The following CEP68 variants were observed in gnomAD, a reference collection of about 807,000 sequenced individuals.
The protein encoded by CEP68 is centrosomal protein of 68 kDa.
A neutral mutation model predicts 55.3 loss-of-function variants in CEP68; 26 were observed. The observed-to-expected ratio is 0.47, with a 90% CI of 0.34 to 0.65. The LOEUF (loss-of-function observed/expected upper bound fraction) is 0.65. Ranked by LOEUF, CEP68 falls within the 30% of genes least tolerant of loss-of-function variation. The pLI is 0.01. For synonymous variants in CEP68, 402 were observed against 383.2 expected (o/e 1.05, Z -0.57); for missense variants, 957 against 946.7 (o/e 1.01, Z -0.14).
chr2:65,070,499 T>C lies in CEP68; in HGVS notation c.357+698T>C, dbSNP rs565093642. On this transcript the variant is annotated intron_variant, in intron 2 of 6. Transcript: ENST00000377990. Reference sequence around the variant, plus strand: ...GCCTTTCCTGGGAATGGCTTTGATCTTCTCGGTGTCATTGTAGCCTTGGCT... The same window carrying C: ...GCCTTTCCTGGGAATGGCTTTGATCCTCTCGGTGTCATTGTAGCCTTGGCT... Among the ~76,000 whole-genome samples the C allele has an allele frequency of 1.1e-3, 170 of 152,126 alleles. 1 individual carries two copies. The highest frequency in any genetic ancestry group is 3.8e-3 in the African/African-American group (158 of 41,488).
Position 65,072,076 on chromosome 2 carries a change from C to G in CEP68, c.980C>G (p.Pro327Arg). ...KHLDSRVPAD[P>R]VLQDSGVDLD... The stretch of plus-strand genomic sequence containing the variant: ...CTTGATAGCCGTGTGCCAGCTGACC[C>G]TGTCCTGCAGGACTCCGGGGTAGAC... The change falls in exon 3 of 7, where the codon CCT (proline) becomes CGT (arginine). Residue 327 changes from proline (P) to arginine (R), a missense_variant. Pro to Arg is a moderately radical substitution (Grantham distance 103). Coordinates refer to ENST00000377990, the MANE Select transcript of CEP68 (RefSeq NM_015147.3). 1.2e-6 allele frequency: 2 copies of G among 1,614,076 alleles called. No homozygotes were observed. The highest frequency in any genetic ancestry group is 2.2e-5 in the East Asian group (1 of 44,860).
At chr2:65,073,332 G>T in intron 3 of CEP68, 1 of 354,612 alleles carries the variant, frequency 2.8e-6, no homozygotes, top group Non-Finnish European at 5.5e-6. Flanking sequence ...AAGGTTTTGT[G>T]CACAGATGCC....
At position 65,072,774 on chromosome 2, in the gene CEP68, C is replaced by T. The variant is rs765008444; in HGVS notation, c.1678C>T (p.Arg560Cys). ...DPEGQNPCFL[R>C]SFVRAHDSAG... is the part of the protein sequence containing the mutation. ...TGAGGGCCAGAATCCCTGTTTCCTG[C>T]GCTCCTTCGTCCGTGCCCACGACTC... Residue 560 changes from arginine (R) to cysteine (C), a missense_variant, in exon 3 of 7, where the codon CGC becomes TGC. Physicochemically the swap from Arg to Cys is radical, Grantham distance 180. Transcript: ENST00000377990. 13 of 1,614,016 alleles carry T rather than the reference C, an allele frequency of 8.1e-6. No individual in the cohort carries two copies. Among genetic ancestry groups the T allele is most frequent in the Admixed American group, 6.7e-5 (4 of 59,992 alleles).
intron 5 of CEP68, 51 bp from the exon 6 acceptor site, chr2:65,082,485 C>T: frequency 2.1e-6 from 3 of 1,459,928 alleles, no homozygotes; most frequent in Non-Finnish European, 2.7e-6. Context: ...TACTGGACAA[C>T]ACTTGCATGG....
intron 5 of CEP68, among the ~76,000 whole-genome samples, chr2:65,078,523 A>C (rs1378278772): frequency 6.6e-6 from 1 of 152,154 alleles, no homozygotes; most frequent in Non-Finnish European, 1.5e-5. Context: ...GTGCAAACCA[A>C]GCTCAAGCCC....
chr2:65,068,687 C>G (rs141168612), intron 1 of CEP68, among the ~76,000 whole-genome samples: 5,358 of 152,110 alleles, frequency 0.035, 116 homozygotes, highest in Non-Finnish European at 0.045. Context: ...ATTAGCCAGG[C>G]GTGGTGGCAT....
chr2:65,057,690 A>G (rs146686543), intron 1 of CEP68, among the ~76,000 whole-genome samples: 60 of 152,376 alleles, frequency 3.9e-4, no homozygotes, highest in Admixed American at 8.5e-4. Flanking sequence ...TCAGCGTGGT[A>G]GTCTAAAGGT....
At chr2:65,074,616 C>G (rs1370936533) in intron 4 of CEP68, 2 of 650,148 alleles carry the variant, frequency 3.1e-6, no homozygotes, top group Admixed American at 2.5e-5. Flanking sequence ...CTTGAAGATA[C>G]AATATATTTA....
At chr2:65,078,147 A>AC (rs1283390966) in intron 5 of CEP68, among the ~76,000 whole-genome samples, 183 bp downstream of exon 5, 1 of 152,042 alleles carries the variant, frequency 6.6e-6, no homozygotes, top group African/African-American at 2.4e-5. Flanking sequence ...GCCCCTACAC[A>AC]CCTGCTTAGA....
At position 65,086,319 on chromosome 2, in the gene CEP68, C is replaced by T. The variant is rs1669026608; in HGVS notation, c.*2685C>T. ...TTATGGCAGCACCTTATATTTAGAACAAGTGGTAATTCCCTTTACTAAGTG... is the reference window on the plus strand; with the variant it reads ...TTATGGCAGCACCTTATATTTAGAATAAGTGGTAATTCCCTTTACTAAGTG... On this transcript the variant is annotated 3_prime_UTR_variant, in exon 7 of 7. Coordinates refer to ENST00000377990, the MANE Select transcript of CEP68 (RefSeq NM_015147.3). 1 of 152,160 alleles carries T rather than the reference C, an allele frequency of 6.6e-6. No homozygotes were observed. The highest frequency in any genetic ancestry group is 2.4e-5 in the African/African-American group (1 of 41,442). 9.4% of individuals were successfully genotyped at this position (152,160 alleles called of 1,614,324 possible). A position where few individuals can be genotyped will look rare whatever the true frequency, so the allele number is the denominator to read the frequency against.
At chr2:65,078,319 G>C (rs181328843) in intron 5 of CEP68, among the ~76,000 whole-genome samples, 1 of 152,210 alleles carries the variant, frequency 6.6e-6, no homozygotes, top group East Asian at 1.9e-4. Flanking sequence ...GTATTTAGTG[G>C]GTATCCCTTT....
chr2:65,076,801 C>T (rs1676784255), intron 4 of CEP68, among the ~76,000 whole-genome samples: 1 of 151,972 alleles, frequency 6.6e-6, no homozygotes, highest in Admixed American at 6.6e-5. Flanking sequence ...TGGCTGGGCA[C>T]GGTGGCTCAT....
intron 4 of CEP68, chr2:65,074,772 C>CCTCCCCCCCCT: frequency 4.1e-6 from 1 of 242,944 alleles, no homozygotes. Flanking sequence ...AGACCCCCCC[C>CCTCCCCCCCCT]CCTCAAAAAA....
chr2:65,082,417 C>A, intron 5 of CEP68, 119 bp from the exon 6 acceptor site: 1 of 795,686 alleles, frequency 1.3e-6, no homozygotes, highest in Non-Finnish European at 1.8e-6. Context: ...TCAGAAACTA[C>A]TGCCAGGTCC....
chr2:65,074,134 C>T (rs1234511383), intron 3 of CEP68, 148 bp from the exon 4 acceptor site: 12 of 822,350 alleles, frequency 1.5e-5, no homozygotes, highest in South Asian at 1.0e-4. Flanking sequence ...GGTACAGAGT[C>T]GTGGAGTCGG....
intron 1 of CEP68, among the ~76,000 whole-genome samples, chr2:65,068,845 A>G (rs901144706): frequency 1.3e-5 from 2 of 151,956 alleles, no homozygotes; most frequent in Non-Finnish European, 2.9e-5. Context: ...AGAAAAAAAG[A>G]AAAGAAAAGA....
chr2:65,082,591 C>T lies in CEP68; in HGVS notation c.2160C>T (p.His720=), dbSNP rs777921262. Residue 720 remains histidine (H), a synonymous_variant, in exon 6 of 7, where the codon CAC becomes CAT. Coordinates refer to ENST00000377990, the MANE Select transcript of CEP68 (RefSeq NM_015147.3). ...IAKQSGELES[H]ADRLYDSILA... is the part of the protein sequence containing the mutation. ...AGCAGTCTGGTGAGCTGGAGAGCCA[C>T]GCAGATCGCCTGTATGACTCTATCT... is the stretch of plus-strand genomic sequence containing the variant. 6 of 1,608,458 alleles carry T rather than the reference C, an allele frequency of 3.7e-6. No individual in the cohort carries two copies. Among genetic ancestry groups the T allele is most frequent in the Non-Finnish European group, 4.2e-6 (5 of 1,177,952 alleles).
At chr2:65,070,070 C>T (rs148357634) in intron 2 of CEP68, among the ~76,000 whole-genome samples, 2 of 152,224 alleles carry the variant, frequency 1.3e-5, no homozygotes, top group Admixed American at 1.3e-4. Context: ...AGGCTGCTGC[C>T]CAGAGGTCCA....
At chr2:65,080,586 A>G (rs1676965113) in intron 5 of CEP68, 1 of 967,528 alleles carries the variant, frequency 1.0e-6, no homozygotes, top group Non-Finnish European at 1.2e-6. Flanking sequence ...TGGGAGGCCA[A>G]GCGGGCAGAT....
Sources: gnomAD v4.1 joint callset for allele counts (sites outside exome capture counted in the v4.1 genomes callset) on GRCh38, gnomAD v4.1.1 for gene constraint, MANE v1.5 for transcripts, NCBI Gene and HGNC (gene_info 2026-07-23, HGNC 2026-07-21) for gene names.